BICD1: variants seen among roughly 807,000 people sequenced by gnomAD.
BICD1 encodes the protein BICD cargo adaptor 1.
Under a neutral mutation model 92.5 loss-of-function variants are expected in BICD1, and 35 were observed. The observed-to-expected ratio is 0.38, with a 90% CI of 0.29 to 0.50. The LOEUF (loss-of-function observed/expected upper bound fraction) is 0.50. Ranked by LOEUF, BICD1 falls within the 20% of genes least tolerant of loss-of-function variation. The pLI is 0.93. For missense variants in BICD1, 950 were observed against 1,189.8 expected (o/e 0.80, Z 2.97); for synonymous variants, 429 against 465.1 (o/e 0.92, Z 1.00).
intron 1 of BICD1, among the ~76,000 whole-genome samples, chr12:32,116,096 A>G (rs929298823): frequency 3.9e-5 from 6 of 152,220 alleles, no homozygotes; most frequent in Admixed American, 1.3e-4. Flanking sequence ...GAAAGTGGAA[A>G]TTGATACCTT....
At position 32,113,902 on chromosome 12, in the gene BICD1, C is replaced by T. The variant is rs897399999; in HGVS notation, c.213+6358C>T. On this transcript the variant is annotated intron_variant, in intron 1 of 9. Coordinates refer to ENST00000652176, the MANE Select transcript of BICD1 (RefSeq NM_001714.4). ...TTTTTTTTTTTCCAAGACAGAATCTCGCTCTGTCGCCTAGGCTGGAGTGCA... is the reference window on the plus strand; with the variant it reads ...TTTTTTTTTTTCCAAGACAGAATCTTGCTCTGTCGCCTAGGCTGGAGTGCA... Among the ~76,000 whole-genome samples, 10 of 151,792 alleles carry T rather than the reference C, an allele frequency of 6.6e-5. 1 individual carries two copies. In the East Asian group the frequency reaches 9.7e-4, roughly 15 times the overall value.
chr12:32,339,950 G>A (rs1938298772), intron 8 of BICD1: 1 of 814,766 alleles, frequency 1.2e-6, no homozygotes, highest in African/African-American at 1.9e-5. Context: ...GAGCTCTGTA[G>A]TGGCTGCTGC....
intron 2 of BICD1, among the ~76,000 whole-genome samples, chr12:32,279,050 A>G (rs1436208069): frequency 1.3e-5 from 2 of 152,182 alleles, no homozygotes; most frequent in Non-Finnish European, 1.5e-5. Flanking sequence ...AAAGCTGTCT[A>G]TAGACTTCAA....
intron 8 of BICD1, among the ~76,000 whole-genome samples, chr12:32,344,254 G>A (rs1312427755): frequency 2.0e-5 from 3 of 152,158 alleles, no homozygotes; most frequent in Non-Finnish European, 2.9e-5. Flanking sequence ...GGTATGGGTC[G>A]TAAGAAGAAC....
chr12:32,267,481 T>G (rs750776282), intron 2 of BICD1, among the ~76,000 whole-genome samples: 2 of 152,218 alleles, frequency 1.3e-5, no homozygotes, highest in African/African-American at 2.4e-5. Flanking sequence ...AATATAAATC[T>G]TTGTCAATTA....
At chr12:32,259,877 G>A (rs1215603864) in intron 2 of BICD1, among the ~76,000 whole-genome samples, 3 of 151,894 alleles carry the variant, frequency 2.0e-5, no homozygotes, top group Admixed American at 6.6e-5. Flanking sequence ...GAGAAAACAA[G>A]CTGTGTGTCT....
chr12:32,351,885 G>C (rs1199458811), intron 8 of BICD1, among the ~76,000 whole-genome samples: 1 of 150,512 alleles, frequency 6.6e-6, no homozygotes, highest in Non-Finnish European at 1.5e-5. Context: ...CTCCAGCCTG[G>C]ACTACAGAGC....
intron 2 of BICD1, among the ~76,000 whole-genome samples, chr12:32,220,868 G>T (rs1041984906): frequency 7.5e-6 from 1 of 134,084 alleles, no homozygotes; most frequent in African/African-American, 2.9e-5. Context: ...TGATAGACTG[G>T]ATTAAGAAAA....
chr12:32,284,479 G>T (rs543893621), intron 2 of BICD1, among the ~76,000 whole-genome samples: 3 of 152,022 alleles, frequency 2.0e-5, no homozygotes, highest in Non-Finnish European at 2.9e-5. Context: ...ATCAGTCAGC[G>T]ACCAAATCCT....
chr12:32,243,263 A>G, intron 2 of BICD1, among the ~76,000 whole-genome samples: 1 of 50,204 alleles, frequency 2.0e-5, no homozygotes, highest in African/African-American at 7.2e-5. Flanking sequence ...ATGCCTGGCT[A>G]ATTTTTTTTT....
At chr12:32,286,636 T>C (rs1947575908) in intron 2 of BICD1, among the ~76,000 whole-genome samples, 2 of 152,142 alleles carry the variant, frequency 1.3e-5, no homozygotes, top group African/African-American at 4.8e-5. Flanking sequence ...TTTTGAAGAT[T>C]TAGGTGTATT....
intron 1 of BICD1, among the ~76,000 whole-genome samples, chr12:32,177,308 C>T (rs11051833): frequency 0.12 from 16,862 of 143,046 alleles, 1,084 homozygotes; most frequent in South Asian, 0.2. Flanking sequence ...CAGCTAGACT[C>T]AGTCTCAAAA....
chr12:32,173,489 C>CT (rs1944009838), intron 1 of BICD1, among the ~76,000 whole-genome samples: 1 of 152,208 alleles, frequency 6.6e-6, no homozygotes. Flanking sequence ...GTGATGTTCA[C>CT]TTATTTCTCA....
At chr12:32,339,542 C>T (rs768694387) in intron 8 of BICD1, 1 of 985,408 alleles carries the variant, frequency 1.0e-6, no homozygotes, top group Non-Finnish European at 1.2e-6. Flanking sequence ...TAATGCTTAC[C>T]AACATGTTCA....
intron 1 of BICD1, among the ~76,000 whole-genome samples, chr12:32,181,561 T>C (rs1944274153): frequency 6.6e-6 from 1 of 151,954 alleles, no homozygotes; most frequent in African/African-American, 2.4e-5. Context: ...AAAGTTACTA[T>C]CAGGAGCCTC....
rs187026248 is a variant in BICD1, at chr12:32,275,601, C to T, written c.427-18393C>T. On this transcript the variant is annotated intron_variant, in intron 2 of 9. Transcript: ENST00000652176. ...TATTAAATCTTGCTACTGCACTCTT[C>T]TGGTCCATGTTTGTTACGGCTGGAG... Among the ~76,000 whole-genome samples, 69 of 152,250 alleles carry T rather than the reference C, an allele frequency of 4.5e-4. No homozygotes were observed. The East Asian group carries it at 6.2e-3, about 14-fold the overall frequency.
chr12:32,339,268 G>T, intron 8 of BICD1: 1 of 1,090,010 alleles, frequency 9.2e-7, no homozygotes. Flanking sequence ...CACACACTTG[G>T]ATCCTATTTG....
chr12:32,262,839 T>C (rs1248592479), intron 2 of BICD1, among the ~76,000 whole-genome samples: 3 of 152,194 alleles, frequency 2.0e-5, no homozygotes, highest in South Asian at 2.1e-4. Context: ...GAACAAACTC[T>C]GCTGTTTAAA....
At chr12:32,263,826 G>A (rs1192931105) in intron 2 of BICD1, among the ~76,000 whole-genome samples, 2 of 152,140 alleles carry the variant, frequency 1.3e-5, no homozygotes, top group Non-Finnish European at 2.9e-5. Context: ...TTCTTGAAGC[G>A]AGGGATTGTT....
Sources: gnomAD v4.1 joint callset for allele counts (sites outside exome capture counted in the v4.1 genomes callset) on GRCh38, gnomAD v4.1.1 for gene constraint, MANE v1.5 for transcripts, NCBI Gene and HGNC (gene_info 2026-07-23, HGNC 2026-07-21) for gene names.